ADGRB3: variants seen among roughly 807,000 people sequenced by gnomAD.
The protein encoded by ADGRB3 is adhesion G protein-coupled receptor B3, also known as brain-specific angiogenesis inhibitor 3.
In ADGRB3, 37 loss-of-function variants were observed where a neutral mutation model predicts 193.4. That is an observed-to-expected ratio of 0.19 (90% CI 0.15 to 0.25). ADGRB3 has a LOEUF of 0.25. ADGRB3 is among the 10% of genes least tolerant of loss of function. The pLI, the probability that ADGRB3 is intolerant of heterozygous loss-of-function variation, is 1.00. For synonymous variants in ADGRB3, 690 were observed against 644.2 expected (o/e 1.07, Z -1.08); for missense variants, 1,637 against 1,852.9 (o/e 0.88, Z 2.14).
At chr6:68,669,731 T>G (rs2127293549) in intron 3 of ADGRB3, among the ~76,000 whole-genome samples, 1 of 151,474 alleles carries the variant, frequency 6.6e-6, no homozygotes. Context: ...TAAACAGTCC[T>G]GCAACAAACA....
rs578233922 is a variant in ADGRB3 at position 69,260,093 on chromosome 6, A to T, written c.2814+20867A>T. ...TGTGATGTGATTTGTGCTCAGTTATAGATTTTTAATTTTGGTAATTCTCCA... is the reference window on the plus strand; with the variant it reads ...TGTGATGTGATTTGTGCTCAGTTATTGATTTTTAATTTTGGTAATTCTCCA... On this transcript the variant is annotated intron_variant, in intron 20 of 31. Transcript: ENST00000370598. Among the ~76,000 whole-genome samples the T allele has an allele frequency of 5.3e-5, 8 of 152,330 alleles. No individual in the cohort carries two copies. The South Asian group carries it at 1.7e-3, about 32-fold the overall frequency.
chr6:69,010,750 A>G (rs974751743), intron 11 of ADGRB3, among the ~76,000 whole-genome samples: 1 of 149,152 alleles, frequency 6.7e-6, no homozygotes. Context: ...AAATCAGTCT[A>G]GGTCATGGAG....
At chr6:69,092,028 A>G (rs1178375886) in intron 17 of ADGRB3, among the ~76,000 whole-genome samples, 3 of 152,148 alleles carry the variant, frequency 2.0e-5, no homozygotes, top group African/African-American at 4.8e-5. Flanking sequence ...CTAGATTTCC[A>G]TTTTTTAAGC....
chr6:68,784,754 T>C (rs1766925782), intron 3 of ADGRB3, among the ~76,000 whole-genome samples: 1 of 152,150 alleles, frequency 6.6e-6, no homozygotes. Flanking sequence ...TCCTGCCTTC[T>C]TTGATTTTAC....
intron 20 of ADGRB3, among the ~76,000 whole-genome samples, chr6:69,257,040 C>T (rs1766792414): frequency 6.6e-6 from 1 of 151,956 alleles, no homozygotes; most frequent in Admixed American, 6.6e-5. Context: ...GCCTTGCATC[C>T]CAGGGATGAA....
chr6:69,028,167 A>G (rs191517017), intron 13 of ADGRB3, among the ~76,000 whole-genome samples: 247 of 152,258 alleles, frequency 1.6e-3, no homozygotes, highest in Non-Finnish European at 2.6e-3. Flanking sequence ...TTTGTAACTC[A>G]TATTGAGTTG....
intron 3 of ADGRB3, among the ~76,000 whole-genome samples, chr6:68,651,969 T>G (rs992622348): frequency 4.6e-5 from 7 of 152,166 alleles, no homozygotes; most frequent in African/African-American, 1.7e-4. Flanking sequence ...TTGTTCCTAC[T>G]GTGTTTTGCT....
chr6:68,745,319 T>C (rs2127344213), intron 3 of ADGRB3, among the ~76,000 whole-genome samples: 1 of 152,308 alleles, frequency 6.6e-6, no homozygotes, highest in African/African-American at 2.4e-5. Flanking sequence ...CCTGAGGACA[T>C]TATGCTAAGT....
chr6:69,376,355 C>G (rs147086017), intron 30 of ADGRB3, among the ~76,000 whole-genome samples: 16 of 152,042 alleles, frequency 1.1e-4, no homozygotes, highest in Non-Finnish European at 1.0e-4. Flanking sequence ...GACTCAGCCT[C>G]CCAAAATGCT....
intron 3 of ADGRB3, among the ~76,000 whole-genome samples, chr6:68,890,216 A>C (rs189301316): frequency 6.6e-6 from 1 of 152,352 alleles, no homozygotes; most frequent in East Asian, 1.9e-4. Context: ...CTTGAGCTAA[A>C]GAATTTGAGA....
At chr6:69,299,234 G>T (rs1294984286) in intron 20 of ADGRB3, among the ~76,000 whole-genome samples, 3 of 151,354 alleles carry the variant, frequency 2.0e-5, no homozygotes. Flanking sequence ...GGATTATCTT[G>T]TCTTTTGGGT....
chr6:69,217,371 A>T (rs539230727), intron 17 of ADGRB3, among the ~76,000 whole-genome samples: 1 of 152,194 alleles, frequency 6.6e-6, no homozygotes, highest in Non-Finnish European at 1.5e-5. Flanking sequence ...AATGATTGCA[A>T]ATAAAACTTG....
intron 13 of ADGRB3, among the ~76,000 whole-genome samples, chr6:69,036,372 G>A (rs557189995): frequency 1.3e-5 from 2 of 152,004 alleles, no homozygotes; most frequent in East Asian, 3.9e-4. Flanking sequence ...ACTAGTCCTG[G>A]TTGACTCCAG....
intron 3 of ADGRB3, among the ~76,000 whole-genome samples, chr6:68,681,418 T>A (rs1032366854): frequency 1.3e-5 from 2 of 152,124 alleles, no homozygotes; most frequent in Non-Finnish European, 2.9e-5. Context: ...CAGCTAGGAC[T>A]ACAAGCATGT....
At chr6:69,175,478 A>C (rs1207687941) in intron 17 of ADGRB3, among the ~76,000 whole-genome samples, 1 of 151,882 alleles carries the variant, frequency 6.6e-6, no homozygotes, top group Non-Finnish European at 1.5e-5. Flanking sequence ...TGGGTTCTCT[A>C]TTTTGTTCCA....
intron 26 of ADGRB3, among the ~76,000 whole-genome samples, chr6:69,352,849 T>C (rs1055934145): frequency 6.6e-6 from 1 of 152,244 alleles, no homozygotes; most frequent in African/African-American, 2.4e-5. Flanking sequence ...AGAGATCTTA[T>C]ATCACTGCTT....
chr6:68,868,951 G>GTGTGTGTGTGCGTGTGTT (rs781022363), intron 3 of ADGRB3, among the ~76,000 whole-genome samples: 45 of 150,500 alleles, frequency 3.0e-4, no homozygotes, highest in African/African-American at 1.1e-3. Context: ...GAGTGTGTGT[G>GTGTGTGTGTGCGTGTGTT]TTTAAACTTA....
At chr6:68,885,452 G>A (rs991953091) in intron 3 of ADGRB3, among the ~76,000 whole-genome samples, 1 of 152,072 alleles carries the variant, frequency 6.6e-6, no homozygotes, top group East Asian at 1.9e-4. Context: ...ACTAATTGAC[G>A]AAAATCTATC....
intron 17 of ADGRB3, among the ~76,000 whole-genome samples, chr6:69,210,381 T>A (rs1014926519): frequency 6.6e-6 from 1 of 151,676 alleles, no homozygotes; most frequent in African/African-American, 2.4e-5. Context: ...TACTTCATAT[T>A]CTAGCTGTCA....
Sources: allele counts gnomAD v4.1 joint callset (sites outside exome capture counted in the v4.1 genomes callset), GRCh38; gene constraint gnomAD v4.1.1; transcripts MANE v1.5; gene names NCBI Gene and HGNC (gene_info 2026-07-23, HGNC 2026-07-21).